The following PLS3 variants were observed in gnomAD, a reference collection of about 807,000 sequenced individuals.
PLS3 encodes the protein plastin 3.
In PLS3, 11 loss-of-function variants were observed where a neutral mutation model predicts 46.5. The observed-to-expected ratio is 0.24, with a 90% CI of 0.15 to 0.39. The LOEUF (loss-of-function observed/expected upper bound fraction) is 0.39, where lower values mean the gene tolerates loss of function less well. Ranked by LOEUF, PLS3 falls within the 10% of genes least tolerant of loss-of-function variation. The pLI is 1.00. For missense variants in PLS3, 308 were observed against 461.8 expected, an observed-to-expected ratio of 0.67 and a Z score of 3.05; for synonymous variants, 167 against 162.2, an observed-to-expected ratio of 1.03 and a Z score of -0.22.
intron 1 of PLS3, among the ~76,000 whole-genome samples, chrX:115,561,943 TAGG>T (rs1483542548): frequency 1.8e-5 from 2 of 110,766 alleles, no homozygotes; most frequent in Non-Finnish European, 3.8e-5. Flanking sequence ...TTCCTTTCAG[TAGG>T]AGAACATCTC....
chrX:115,643,273 G>C, intron 9 of PLS3, 40 bp from the exon 10 acceptor site: 4 of 909,386 alleles, frequency 4.4e-6, no homozygotes, highest in Non-Finnish European at 6.4e-6. Context: ...TATATTTTTA[G>C]TGTGGCCTTT....
chrX:115,581,870 A>C (rs1408889953), intron 1 of PLS3, among the ~76,000 whole-genome samples: 1 of 111,749 alleles, frequency 8.9e-6, no homozygotes, highest in Non-Finnish European at 1.9e-5. Context: ...TACTTCTATA[A>C]AGAAAACTTC....
chrX:115,637,504 G>A (rs918076542), intron 8 of PLS3, among the ~76,000 whole-genome samples: 5 of 111,787 alleles, frequency 4.5e-5, no homozygotes, highest in Non-Finnish European at 9.4e-5. Flanking sequence ...TTAAAACATA[G>A]TATGTGGCAT....
chrX:115,610,608 C>G (rs2074539534), intron 2 of PLS3, among the ~76,000 whole-genome samples: 1 of 107,401 alleles, frequency 9.3e-6, no homozygotes, highest in South Asian at 4.1e-4. Context: ...ATGTATGGTT[C>G]CTGAAATTTT....
At chrX:115,574,431 T>A (rs993963906) in intron 1 of PLS3, among the ~76,000 whole-genome samples, 1 of 112,142 alleles carries the variant, frequency 8.9e-6, no homozygotes, top group African/African-American at 3.2e-5. Context: ...TATTTTTCCT[T>A]TAGGTTTTAG....
intron 7 of PLS3, 117 bp from the exon 8 acceptor site, chrX:115,636,719 T>A: frequency 3.7e-6 from 2 of 540,124 alleles, no homozygotes; most frequent in Non-Finnish European, 5.9e-6. Context: ...AACTAGGAAC[T>A]ATGTCATAGT....
intron 1 of PLS3, among the ~76,000 whole-genome samples, chrX:115,597,374 G>A (rs2074400047): frequency 9.0e-6 from 1 of 111,206 alleles, no homozygotes; most frequent in Non-Finnish European, 1.9e-5. Context: ...TGTACGTGCA[G>A]AACAGAGCAA....
At chrX:115,639,794 T>C (rs782689003) in intron 8 of PLS3, 3 of 378,986 alleles carry the variant, frequency 7.9e-6, no homozygotes, top group African/African-American at 7.5e-5. Flanking sequence ...TTGTTTTATG[T>C]ATTGGGATTC....
intron 1 of PLS3, among the ~76,000 whole-genome samples, chrX:115,571,256 G>C (rs1388862712): frequency 3.6e-5 from 4 of 111,476 alleles, no homozygotes; most frequent in African/African-American, 1.3e-4. Context: ...AGTGGTTTAC[G>C]CGTGTAATCC....
In PLS3 at chrX:115,641,270, G is replaced by A. The variant is rs188625570; in HGVS notation, c.987+767G>A. 7.5e-4 allele frequency among the ~76,000 whole-genome samples: 65 copies of A among 86,915 alleles called. 1 individual carries two copies. The East Asian group carries it at 0.021, about 29-fold the overall frequency. The allele number at this position is 86,915 out of a possible 115,157, so 75.5% of individuals were successfully genotyped here. A position where few individuals can be genotyped will look rare whatever the true frequency, so the allele number is the denominator to read the frequency against. On this transcript the variant is annotated intron_variant, in intron 9 of 15. Coordinates refer to ENST00000355899, the MANE Select transcript of PLS3 (RefSeq NM_005032.7). ...TGAGACAGAGTCTCACTCTGTTGCT[G>A]AGGCTGGAGTGCAGTGGCACCGTGT...
At chrX:115,600,586 ATT>A (rs1283453615) in intron 1 of PLS3, among the ~76,000 whole-genome samples, 30 of 112,436 alleles carry the variant, frequency 2.7e-4, no homozygotes, top group African/African-American at 9.4e-4. Flanking sequence ...TGAAAGAAGG[ATT>A]TTCTTTTATT....
intron 1 of PLS3, among the ~76,000 whole-genome samples, chrX:115,561,836 C>T (rs2074138174): frequency 9.0e-6 from 1 of 111,528 alleles, no homozygotes; most frequent in African/African-American, 3.3e-5. Context: ...AGGGAAGGCA[C>T]GAGGTTTGGG....
At chrX:115,602,585 G>A (rs1369036279) in intron 1 of PLS3, among the ~76,000 whole-genome samples, 1 of 111,499 alleles carries the variant, frequency 9.0e-6, no homozygotes, top group Non-Finnish European at 1.9e-5. Flanking sequence ...TGTTTTGGAT[G>A]GAGGAAGGTG....
At chrX:115,622,138 T>C in intron 2 of PLS3, 108 bp from the exon 3 acceptor site, 1 of 598,966 alleles carries the variant, frequency 1.7e-6, no homozygotes, top group South Asian at 3.1e-5. Flanking sequence ...AATAAGAAAA[T>C]ATTTTATGTA....
chrX:115,636,138 A>G (rs35878613), intron 7 of PLS3, among the ~76,000 whole-genome samples: 12,794 of 110,590 alleles, frequency 0.12, 852 homozygotes, highest in South Asian at 0.44. Flanking sequence ...GTGTTTCTAG[A>G]CTACTTTAAT....
At chrX:115,608,222 C>G (rs1199024732) in intron 1 of PLS3, among the ~76,000 whole-genome samples, 1 of 111,538 alleles carries the variant, frequency 9.0e-6, no homozygotes, top group African/African-American at 3.3e-5. Flanking sequence ...ACTTCCAGCC[C>G]CTACCTCTCT....
At chrX:115,578,612 C>T (rs1268825331) in intron 1 of PLS3, among the ~76,000 whole-genome samples, 3 of 99,497 alleles carry the variant, frequency 3.0e-5, no homozygotes, top group Non-Finnish European at 5.9e-5. Flanking sequence ...GTAGTCCCAG[C>T]TACTCGGGAG....
At chrX:115,621,215 A>G (rs938564325) in intron 2 of PLS3, among the ~76,000 whole-genome samples, 2 of 108,560 alleles carry the variant, frequency 1.8e-5, no homozygotes, top group Non-Finnish European at 3.8e-5. Flanking sequence ...GGGTTTCACC[A>G]TGTTGGCCAG....
chrX:115,601,271 G>A (rs1263279505), intron 1 of PLS3, among the ~76,000 whole-genome samples: 2 of 109,864 alleles, frequency 1.8e-5, no homozygotes, highest in Non-Finnish European at 3.8e-5. Context: ...ATGGGAAGTA[G>A]CATTGGAAAG....
Sources: allele counts gnomAD v4.1 joint callset (sites outside exome capture counted in the v4.1 genomes callset), GRCh38; gene constraint gnomAD v4.1.1; transcripts MANE v1.5; gene names NCBI Gene and HGNC (gene_info 2026-07-23, HGNC 2026-07-21).